The following FBXW8 variants were observed in gnomAD, a reference collection of about 807,000 sequenced individuals.
FBXW8 encodes F-box/WD repeat-containing protein 8.
Under a neutral mutation model 65.3 loss-of-function variants are expected in FBXW8, and 57 were observed. That is an observed-to-expected ratio of 0.87 (90% CI 0.71 to 1.09). The LOEUF is 1.09. FBXW8 is among the 50% of genes least tolerant of loss of function. FBXW8 has a pLI of 0.00. For synonymous variants in FBXW8, 308 were observed against 330.2 expected, an observed-to-expected ratio of 0.93 and a Z score of 0.73; for missense variants, 777 against 814.8, an observed-to-expected ratio of 0.95 and a Z score of 0.57.
In FBXW8 at chr12:117,010,359, T is replaced by C. The variant is rs757773620; in HGVS notation, c.1276T>C (p.Leu426=). The part of the protein sequence containing the change: ...VYSLEAGRRL[L]KLGNVLRDFT... ...TAGCCTGGAAGCAGGACGCCGCCTC[T>C]TGAAGCTGGGTAACGTTCTCCGTGA... The change falls in exon 8 of 11, where the codon TTG becomes CTG. Residue 426 remains leucine (L), a synonymous_variant. Transcript: ENST00000652555. 5.0e-6 allele frequency: 8 copies of C among 1,614,236 alleles called. No individual in the cohort carries two copies. In the Admixed American group the frequency reaches 1.2e-4, roughly 24 times the overall value.
intron 2 of FBXW8, among the ~76,000 whole-genome samples, chr12:116,941,726 T>C (rs547295024): frequency 3.9e-5 from 6 of 152,376 alleles, no homozygotes; most frequent in Admixed American, 2.6e-4. Context: ...GTGTGACTTA[T>C]GTCTTTTTTA....
At chr12:116,965,708 T>C (rs1313949781) in intron 5 of FBXW8, among the ~76,000 whole-genome samples, 1 of 152,160 alleles carries the variant, frequency 6.6e-6, no homozygotes, top group Non-Finnish European at 1.5e-5. Context: ...AATGGGGAAT[T>C]TTATACCCAT....
rs891625804 is a variant in FBXW8, at chr12:117,030,796, T to C, written c.*2624T>C. Reference sequence around the variant, plus strand: ...TCAAGCACGCCAACTTCAGGCAGTGTTTTCTACTGCAAACCTCCACATCCT... The same window carrying C: ...TCAAGCACGCCAACTTCAGGCAGTGCTTTCTACTGCAAACCTCCACATCCT... On this transcript the variant is annotated 3_prime_UTR_variant, in exon 11 of 11. Transcript: ENST00000652555. The C allele has an allele frequency of 3.9e-5, 6 of 152,198 alleles. No individual in the cohort carries two copies. The highest frequency in any genetic ancestry group is 1.4e-4 in the African/African-American group (6 of 41,436). The allele number at this position is 152,198 out of a possible 1,614,324, so 9.4% of individuals were successfully genotyped here.
chr12:116,948,621 G>C (rs1883081942), intron 3 of FBXW8: 2 of 152,170 alleles, frequency 1.3e-5, no homozygotes, highest in South Asian at 4.1e-4. Context: ...CTTTGTCCCA[G>C]TCTGGTAAAG....
chr12:116,955,217 C>T (rs1883568611), intron 4 of FBXW8, among the ~76,000 whole-genome samples: 1 of 152,204 alleles, frequency 6.6e-6, no homozygotes, highest in Admixed American at 6.5e-5. Context: ...TTGTCTTTCT[C>T]TGCTGTCACT....
In FBXW8 at chr12:116,988,811, C is replaced by T. The variant is rs781585590; in HGVS notation, c.1181C>T (p.Ser394Leu). 162 of 1,613,976 alleles carry T rather than the reference C, an allele frequency of 1.0e-4. No homozygotes were observed. Among genetic ancestry groups the T allele is most frequent in the Admixed American group, 2.0e-4 (12 of 60,000 alleles). ...HGPPVTCLDV[S>L]ANQVAFGVQG... ...CCGCCTGTCACATGTCTAGACGTCT[C>T]GGCCAACCAAGTTGCTTTTGGTGTA... is the stretch of plus-strand genomic sequence containing the variant. Residue 394 changes from serine (S) to leucine (L), a missense_variant, in exon 7 of 11, where the codon TCG becomes TTG. By Grantham distance (145) the Ser-to-Leu change is moderately radical. Transcript: ENST00000652555.
Position 117,015,423 on chromosome 12 carries a change from T to C in FBXW8, c.1367+4973T>C, listed in dbSNP as rs147320126. On this transcript the variant is annotated intron_variant, in intron 8 of 10. Coordinates refer to ENST00000652555, the MANE Select transcript of FBXW8 (RefSeq NM_153348.3). ...AACGTCCTCCTTTCTTTTCAGTGAA[T>C]TAAGTCAGCACAGTAGTTGGCAGTC... 4.4e-3 allele frequency among the ~76,000 whole-genome samples: 677 copies of C among 152,260 alleles called. 12 individuals are homozygous for C. The highest frequency in any genetic ancestry group is 0.015 in the African/African-American group (640 of 41,548).
chr12:117,019,165 A>G (rs1954029032), intron 8 of FBXW8, among the ~76,000 whole-genome samples: 1 of 152,238 alleles, frequency 6.6e-6, no homozygotes, highest in African/African-American at 2.4e-5. Context: ...TTCTGCTCCC[A>G]GATCCCTCAC....
intron 2 of FBXW8, among the ~76,000 whole-genome samples, chr12:116,940,219 G>C (rs1269093049): frequency 6.6e-6 from 1 of 151,590 alleles, no homozygotes; most frequent in Non-Finnish European, 1.5e-5. Flanking sequence ...GTTTGCCACA[G>C]AGCTAGAGCC....
intron 7 of FBXW8, among the ~76,000 whole-genome samples, chr12:117,001,422 A>C (rs1210494327): frequency 6.6e-6 from 1 of 152,244 alleles, no homozygotes; most frequent in African/African-American, 2.4e-5. Context: ...TAGTCAAAAG[A>C]AAATCGATAA....
intron 4 of FBXW8, among the ~76,000 whole-genome samples, chr12:116,962,861 T>G (rs1332751876): frequency 6.6e-6 from 1 of 152,184 alleles, no homozygotes; most frequent in Non-Finnish European, 1.5e-5. Context: ...GGTGTCACAC[T>G]GAGCCCGGTA....
At chr12:116,945,328 C>A in intron 2 of FBXW8, 36 bp from the exon 3 acceptor site, 1 of 1,585,110 alleles carries the variant, frequency 6.3e-7, no homozygotes. Context: ...TCTCTAATTG[C>A]AGAATTTGAC....
At chr12:117,021,978 A>T (rs1397164707) in intron 8 of FBXW8, among the ~76,000 whole-genome samples, 1 of 151,978 alleles carries the variant, frequency 6.6e-6, no homozygotes, top group African/African-American at 2.4e-5. Context: ...TTTCACTCGG[A>T]TATGTAGTTT....
At chr12:116,951,461 A>G (rs1469666211) in intron 4 of FBXW8, 1 of 152,120 alleles carries the variant, frequency 6.6e-6, no homozygotes, top group Non-Finnish European at 1.5e-5. Flanking sequence ...GAGCTTCTTA[A>G]AGAGACAGTG....
chr12:117,028,402 T>C lies in FBXW8; in HGVS notation c.*230T>C. ...ACGTGCTGCCAACTCAAACATAGCC[T>C]CCTTCCCCACCCAGCTGGCCACCCT... On this transcript the variant is annotated 3_prime_UTR_variant, in exon 11 of 11. Coordinates refer to ENST00000652555, the MANE Select transcript of FBXW8 (RefSeq NM_153348.3). The surrounding 1 kb of genome is among the most constrained non-coding windows in gnomAD (Gnocchi z 4.1). 1.7e-6 allele frequency: 1 copy of C among 572,390 alleles called. No individual in the cohort carries two copies. Among genetic ancestry groups the C allele is most frequent in the Non-Finnish European group, 3.1e-6 (1 of 325,052 alleles). The allele number at this position is 572,390 out of a possible 1,614,324, so 35.5% of individuals were successfully genotyped here. A position where few individuals can be genotyped will look rare whatever the true frequency, so the allele number is the denominator to read the frequency against.
At chr12:116,929,270 T>C (rs901896024) in intron 2 of FBXW8, among the ~76,000 whole-genome samples, 3 of 152,174 alleles carry the variant, frequency 2.0e-5, no homozygotes, top group African/African-American at 7.2e-5. Context: ...AGTCTTGCTC[T>C]GTCACCGAGG....
chr12:116,934,321 G>A (rs563896625), intron 2 of FBXW8, among the ~76,000 whole-genome samples: 21 of 152,168 alleles, frequency 1.4e-4, no homozygotes, highest in African/African-American at 5.1e-4. Context: ...ATCTCTCTGT[G>A]GGAGTGTTTC....
chr12:116,924,868 C>G (rs933338328), intron 1 of FBXW8, among the ~76,000 whole-genome samples: 1 of 152,272 alleles, frequency 6.6e-6, no homozygotes, highest in South Asian at 2.1e-4. Flanking sequence ...TAATAACAAA[C>G]TGAAGTTGAT....
Position 116,911,032 on chromosome 12 carries a change from G to A in FBXW8, c.-6G>A. The A allele has an allele frequency of 7.1e-7, 1 of 1,416,428 alleles. No homozygotes were observed. The highest frequency in any genetic ancestry group is 9.2e-7 in the Non-Finnish European group (1 of 1,089,562). The allele number at this position is 1,416,428 out of a possible 1,614,324, so 87.7% of individuals were successfully genotyped here. Reference sequence around the variant, plus strand: ...AGGAGAACGTGGAGCGCCGGGAGCGGCGAATATGGACGACTACAGCCTGGA... The same window carrying A: ...AGGAGAACGTGGAGCGCCGGGAGCGACGAATATGGACGACTACAGCCTGGA... On this transcript the variant is annotated 5_prime_UTR_variant, in exon 1 of 11. Transcript: ENST00000652555.
Sources: gnomAD v4.1 joint callset for allele counts (sites outside exome capture counted in the v4.1 genomes callset) on GRCh38, gnomAD v4.1.1 for gene constraint, Gnocchi (gnomAD v3.1) non-coding constraint, MANE v1.5 for transcripts, NCBI Gene and HGNC (gene_info 2026-07-23, HGNC 2026-07-21) for gene names.